PUM2: variants seen among roughly 807,000 people sequenced by gnomAD.
PUM2 encodes the protein pumilio RNA binding family member 2, also known as pumilio homolog 2.
PUM2 carries 57 observed loss-of-function variants against 124.5 expected under a neutral mutation model. The ratio of observed to expected loss-of-function variants is 0.46; its 90% CI spans 0.37 to 0.57. The LOEUF (loss-of-function observed/expected upper bound fraction) is 0.57. Among genes scored for constraint, PUM2 ranks in the 20% least tolerant of loss-of-function variants. The probability of loss-of-function intolerance (pLI) is 0.00; values close to 1 mark genes in which losing one functional copy is unlikely to be tolerated. For missense variants in PUM2, 1,065 were observed against 1,290.6 expected (o/e 0.83, Z 2.68); for synonymous variants, 460 against 446.1 (o/e 1.03, Z -0.39).
intron 7 of PUM2, 91 bp downstream of exon 7, chr2:20,307,887 A>G: frequency 1.0e-5 from 15 of 1,493,558 alleles, no homozygotes; most frequent in Non-Finnish European, 1.4e-5. Flanking sequence ...TTCAAAAAGT[A>G]ACAAAACCTC....
At chr2:20,349,581 AAG>A (rs1558703574) in intron 1 of PUM2, among the ~76,000 whole-genome samples, 1 of 152,040 alleles carries the variant, frequency 6.6e-6, no homozygotes, top group Non-Finnish European at 1.5e-5. Flanking sequence ...TCACATGGTG[AAG>A]AGTCACCTGT....
At chr2:20,279,707 C>CT (rs1671058688) in intron 12 of PUM2, among the ~76,000 whole-genome samples, 1 of 152,092 alleles carries the variant, frequency 6.6e-6, no homozygotes, top group Non-Finnish European at 1.5e-5. Flanking sequence ...AAATAAAGGT[C>CT]ATGTAGGCCC....
Position 20,254,016 on chromosome 2 carries a change from TA to T in PUM2, c.2871-3del. ...GTAACACACTTTTCTACTACATTGC[TA>T]AAAATTAAAGCAGATAAACAAAGAT... On this transcript the variant is annotated splice_polypyrimidine_tract_variant and splice_region_variant and intron_variant, in intron 19 of 20. Transcript: ENST00000361078. 6.3e-7 allele frequency: 1 copy of T among 1,597,632 alleles called. No homozygotes were observed. Among genetic ancestry groups the T allele is most frequent in the African/African-American group, 1.3e-5 (1 of 74,202 alleles).
At chr2:20,329,318 G>C (rs1477999525) in intron 1 of PUM2, among the ~76,000 whole-genome samples, 1 of 151,076 alleles carries the variant, frequency 6.6e-6, no homozygotes, top group Non-Finnish European at 1.5e-5. Flanking sequence ...TATAGCCACA[G>C]CTACTCGGGA....
At chr2:20,339,234 C>G (rs1439794312) in intron 1 of PUM2, among the ~76,000 whole-genome samples, 2 of 151,784 alleles carry the variant, frequency 1.3e-5, no homozygotes. Context: ...TTATGTAATT[C>G]TGCATGCAAG....
chr2:20,268,944 T>G (rs761596825), intron 13 of PUM2, among the ~76,000 whole-genome samples: 1 of 152,136 alleles, frequency 6.6e-6, no homozygotes, highest in Non-Finnish European at 1.5e-5. Context: ...ATCCTCTTAA[T>G]AGCCTATGAG....
At chr2:20,344,638 G>A (rs1419754548) in intron 1 of PUM2, among the ~76,000 whole-genome samples, 1 of 151,958 alleles carries the variant, frequency 6.6e-6, no homozygotes, top group Non-Finnish European at 1.5e-5. Context: ...TAATCCCTCT[G>A]GCTGAATGCC....
chr2:20,297,768 T>G, intron 7 of PUM2, 90 bp from the exon 8 acceptor site: 1 of 1,363,560 alleles, frequency 7.3e-7, no homozygotes, highest in Non-Finnish European at 1.0e-6. Context: ...GAATCTGGGG[T>G]GGTGTGGGGG....
rs902488727 is a variant in PUM2, at chr2:20,250,603, T to C, written c.*982A>G. The C allele has an allele frequency of 1.3e-5, 2 of 152,206 alleles. No individual in the cohort carries two copies. Among genetic ancestry groups the C allele is most frequent in the African/African-American group, 4.8e-5 (2 of 41,474 alleles). 9.4% of individuals were successfully genotyped at this position (152,206 alleles called of 1,614,324 possible). A position where few individuals can be genotyped will look rare whatever the true frequency, so the allele number is the denominator to read the frequency against. On this transcript the variant is annotated 3_prime_UTR_variant, in exon 21 of 21. Transcript: ENST00000361078. The stretch of plus-strand genomic sequence containing the variant: ...TTTATAGAAAGCAAAAAGAGCTATC[T>C]GAATATGTAATCATGCTTAAATGCT...
At chr2:20,274,145 C>T (rs958752211) in intron 13 of PUM2, among the ~76,000 whole-genome samples, 1 of 151,994 alleles carries the variant, frequency 6.6e-6, no homozygotes, top group African/African-American at 2.4e-5. Flanking sequence ...CATCTTTAAT[C>T]AACAAACCAC....
intron 3 of PUM2, among the ~76,000 whole-genome samples, chr2:20,317,668 T>C (rs1207916448): frequency 6.6e-6 from 1 of 152,162 alleles, no homozygotes; most frequent in East Asian, 1.9e-4. Context: ...CTAAAAAAAG[T>C]ACCTGATGGG....
chr2:20,300,236 G>A (rs563939141), intron 7 of PUM2, among the ~76,000 whole-genome samples: 165 of 151,788 alleles, frequency 1.1e-3, no homozygotes, highest in Non-Finnish European at 2.0e-3. Context: ...CACAACCTCC[G>A]CCTCCCGGGT....
intron 1 of PUM2, among the ~76,000 whole-genome samples, chr2:20,337,309 G>A (rs1686331092): frequency 6.6e-6 from 1 of 152,028 alleles, no homozygotes; most frequent in Admixed American, 6.6e-5. Flanking sequence ...AAGAGGATTG[G>A]GTTTGTTTTT....
chr2:20,350,314 G>A (rs1306412621), intron 1 of PUM2: 5 of 301,032 alleles, frequency 1.7e-5, no homozygotes, highest in East Asian at 1.7e-4. Context: ...AGGGAGAACC[G>A]GGTCGGCGCC....
chr2:20,261,005 T>A (rs528826885), intron 14 of PUM2, among the ~76,000 whole-genome samples: 5 of 152,250 alleles, frequency 3.3e-5, no homozygotes, highest in Admixed American at 3.3e-4. Context: ...TGGAGATAAA[T>A]TCCTATTGGG....
intron 2 of PUM2, among the ~76,000 whole-genome samples, chr2:20,323,360 A>G (rs535779438): frequency 7.1e-4 from 108 of 151,874 alleles, no homozygotes; most frequent in Non-Finnish European, 1.2e-3. Flanking sequence ...AGGCAGGAGA[A>G]TAACTCGAAC....
In PUM2 at chr2:20,249,858, T is replaced by C. The variant is rs994773234; in HGVS notation, c.*1727A>G. The C allele has an allele frequency of 6.6e-6, 1 of 152,670 alleles. No individual in the cohort carries two copies. Among genetic ancestry groups the C allele is most frequent in the Admixed American group, 6.5e-5 (1 of 15,288 alleles). 9.5% of individuals were successfully genotyped at this position (152,670 alleles called of 1,614,324 possible). Reference sequence around the variant, plus strand: ...CAAGTTTTTTTCCAAAATATTTTCATAGGCAAAGGATTAAAAACGATTTTA... The same window carrying C: ...CAAGTTTTTTTCCAAAATATTTTCACAGGCAAAGGATTAAAAACGATTTTA... On this transcript the variant is annotated 3_prime_UTR_variant, in exon 21 of 21. Coordinates refer to ENST00000361078, the MANE Select transcript of PUM2 (RefSeq NM_015317.5).
intron 5 of PUM2, among the ~76,000 whole-genome samples, chr2:20,310,011 A>G (rs1318359350): frequency 6.6e-6 from 1 of 152,080 alleles, no homozygotes; most frequent in Admixed American, 6.6e-5. Context: ...TAAAACTAAA[A>G]GCATTTTCTT....
At chr2:20,307,086 G>A (rs1253285031) in intron 7 of PUM2, among the ~76,000 whole-genome samples, 1 of 151,968 alleles carries the variant, frequency 6.6e-6, no homozygotes, top group Non-Finnish European at 1.5e-5. Context: ...TGTGGTGGCA[G>A]ACGCCTGTGA....
Sources: allele counts gnomAD v4.1 joint callset (sites outside exome capture counted in the v4.1 genomes callset), GRCh38; gene constraint gnomAD v4.1.1; transcripts MANE v1.5; gene names NCBI Gene and HGNC (gene_info 2026-07-23, HGNC 2026-07-21).